Variants in INPP4B observed in about 807,000 individuals in gnomAD.
The protein encoded by INPP4B is inositol polyphosphate-4-phosphatase type II B, also known as inositol polyphosphate 4-phosphatase type II.
A neutral mutation model predicts 122.5 loss-of-function variants in INPP4B; 55 were observed. The observed-to-expected ratio is 0.45, with a 90% CI of 0.36 to 0.56. The LOEUF (loss-of-function observed/expected upper bound fraction) is 0.56, where lower values mean the gene tolerates loss of function less well. Ranked by LOEUF, INPP4B falls within the 20% of genes least tolerant of loss-of-function variation. INPP4B has a pLI of 0.00. For missense variants in INPP4B, 1,000 were observed against 1,097.7 expected, an observed-to-expected ratio of 0.91 and a Z score of 1.26; for synonymous variants, 403 against 388.7, an observed-to-expected ratio of 1.04 and a Z score of -0.43.
Position 142,030,322 on chromosome 4 carries a change from TG to T in INPP4B, c.2643-1409del, listed in dbSNP as rs746906219. ...TGTCTGCTGTTAAATGAGGGGAAGT[TG>T]GGGGGGAAAAGAAAATAGTATAGAG... On this transcript the variant is annotated intron_variant, in intron 25 of 25. Transcript: ENST00000262992. 14 of 1,525,194 alleles carry T rather than the reference TG, an allele frequency of 9.2e-6. No individual in the cohort carries two copies. The South Asian group carries it at 1.3e-4, about 14-fold the overall frequency. The allele number at this position is 1,525,194 out of a possible 1,614,324, so 94.5% of individuals were successfully genotyped here. A position where few individuals can be genotyped will look rare whatever the true frequency, so the allele number is the denominator to read the frequency against.
At chr4:142,069,635 A>G (rs567511394) in intron 25 of INPP4B, among the ~76,000 whole-genome samples, 9 of 152,226 alleles carry the variant, frequency 5.9e-5, no homozygotes, top group Non-Finnish European at 8.8e-5. Context: ...GATGCAATAA[A>G]AAAATGATAA....
At chr4:142,739,195 T>G (rs1016509833) in intron 1 of INPP4B, among the ~76,000 whole-genome samples, 2 of 152,056 alleles carry the variant, frequency 1.3e-5, no homozygotes, top group African/African-American at 2.4e-5. Flanking sequence ...TAAGGCAAAA[T>G]TCTATGTTGG....
chr4:142,057,856 C>A (rs1388258060), intron 25 of INPP4B, among the ~76,000 whole-genome samples: 1 of 152,050 alleles, frequency 6.6e-6, no homozygotes, highest in Non-Finnish European at 1.5e-5. Flanking sequence ...ATAGCTATAT[C>A]TACTATTCCT....
At chr4:142,634,368 A>G (rs1748646087) in intron 2 of INPP4B, among the ~76,000 whole-genome samples, 2 of 152,204 alleles carry the variant, frequency 1.3e-5, no homozygotes, top group South Asian at 2.1e-4. Flanking sequence ...AAACCAAACA[A>G]GAACATTTTG....
intron 2 of INPP4B, among the ~76,000 whole-genome samples, chr4:142,623,291 C>T (rs1282289628): frequency 2.6e-5 from 4 of 151,996 alleles, no homozygotes; most frequent in Non-Finnish European, 5.9e-5. Flanking sequence ...AAACAAAGTG[C>T]ATTTGCTGCC....
intron 2 of INPP4B, among the ~76,000 whole-genome samples, chr4:142,589,947 T>C (rs115412956): frequency 0.012 from 1,824 of 152,158 alleles, 32 homozygotes; most frequent in African/African-American, 0.041. Context: ...TATTCAGCAA[T>C]TAAAAAATAA....
intron 3 of INPP4B, among the ~76,000 whole-genome samples, chr4:142,438,199 C>A (rs1182322961): frequency 6.6e-5 from 10 of 152,084 alleles, no homozygotes; most frequent in Non-Finnish European, 1.2e-4. Flanking sequence ...TAGAAAAAAA[C>A]TACTTTAAAA....
At chr4:142,744,703 G>A (rs1270167456) in intron 1 of INPP4B, among the ~76,000 whole-genome samples, 1 of 151,218 alleles carries the variant, frequency 6.6e-6, no homozygotes, top group Non-Finnish European at 1.5e-5. Context: ...GGTAAAATGG[G>A]CATCTTATTA....
intron 8 of INPP4B, 32 bp downstream of exon 8, chr4:142,314,676 ATGTG>A (rs753837258): frequency 1.9e-6 from 3 of 1,580,974 alleles, no homozygotes; most frequent in Non-Finnish European, 2.6e-6. Context: ...TTTAGAAGTG[ATGTG>A]TGTGCCTTCT....
intron 5 of INPP4B, among the ~76,000 whole-genome samples, chr4:142,419,365 A>C (rs1301937757): frequency 1.3e-5 from 2 of 152,252 alleles, no homozygotes; most frequent in Non-Finnish European, 2.9e-5. Context: ...TAGAGGGAAA[A>C]GTAATTTGCA....
chr4:142,219,278 C>T (rs763632072), intron 12 of INPP4B, among the ~76,000 whole-genome samples: 9 of 152,106 alleles, frequency 5.9e-5, no homozygotes, highest in Non-Finnish European at 1.2e-4. Context: ...CTGTTTGTAT[C>T]TGATAAACAG....
At chr4:142,372,855 T>C (rs1273716690) in intron 7 of INPP4B, among the ~76,000 whole-genome samples, 7 of 152,022 alleles carry the variant, frequency 4.6e-5, no homozygotes, top group Non-Finnish European at 1.0e-4. Context: ...TTGACTACAC[T>C]GACTCCTGCT....
At chr4:142,411,667 G>A (rs1010437875) in intron 5 of INPP4B, among the ~76,000 whole-genome samples, 4 of 152,120 alleles carry the variant, frequency 2.6e-5, no homozygotes, top group East Asian at 1.9e-4. Context: ...CCAGGCAGGC[G>A]GATCACTTGA....
At position 142,322,465 on chromosome 4, in the gene INPP4B, G is replaced by A. The variant is rs1770455676; in HGVS notation, c.373-7703C>T. 1.3e-5 allele frequency among the ~76,000 whole-genome samples: 2 copies of A among 152,110 alleles called. 1 individual carries two copies. The highest frequency in any genetic ancestry group is 4.1e-4 in the South Asian group (2 of 4,828). ...GTAGGTAAAATTAATGAAAGGAGTG[G>A]CCTGGGTGTTTGAGACAATAGGAAT... On this transcript the variant is annotated intron_variant, in intron 7 of 25. Coordinates refer to ENST00000262992, the MANE Select transcript of INPP4B (RefSeq NM_001101669.3).
At chr4:142,222,528 G>C (rs1049701357) in intron 12 of INPP4B, among the ~76,000 whole-genome samples, 1 of 152,110 alleles carries the variant, frequency 6.6e-6, no homozygotes, top group Non-Finnish European at 1.5e-5. Flanking sequence ...ATGTTGCCCT[G>C]TGCTAACAAT....
At chr4:142,266,377 G>T (rs1433180224) in intron 10 of INPP4B, among the ~76,000 whole-genome samples, 1 of 152,056 alleles carries the variant, frequency 6.6e-6, no homozygotes, top group Non-Finnish European at 1.5e-5. Flanking sequence ...CCAAGGAGAA[G>T]GGAGAGTAAC....
intron 3 of INPP4B, among the ~76,000 whole-genome samples, chr4:142,438,431 GAC>G (rs1562100281): frequency 6.6e-6 from 1 of 152,114 alleles, no homozygotes. Context: ...TGACTACCCT[GAC>G]AGAAACAAGC....
intron 13 of INPP4B, 118 bp from the exon 14 acceptor site, chr4:142,208,647 T>G (rs908540926): frequency 3.6e-6 from 2 of 549,546 alleles, no homozygotes; most frequent in African/African-American, 3.9e-5. Flanking sequence ...ACATATCCTA[T>G]ATTTATGAGT....
At chr4:142,790,369 A>C (rs1182153377) in intron 1 of INPP4B, among the ~76,000 whole-genome samples, 3 of 152,098 alleles carry the variant, frequency 2.0e-5, no homozygotes, top group Admixed American at 2.0e-4. Flanking sequence ...ATTAGCAAGA[A>C]AAAAAACAAA....
Sources: gnomAD v4.1 joint callset for allele counts (sites outside exome capture counted in the v4.1 genomes callset) on GRCh38, gnomAD v4.1.1 for gene constraint, MANE v1.5 for transcripts, NCBI Gene and HGNC (gene_info 2026-07-23, HGNC 2026-07-21) for gene names.